The following CACNA2D3 variants were observed in gnomAD, a reference collection of about 807,000 sequenced individuals.
The protein encoded by CACNA2D3 is calcium voltage-gated channel auxiliary subunit alpha2delta 3.
A neutral mutation model predicts 160.6 loss-of-function variants in CACNA2D3; 60 were observed. The ratio of observed to expected loss-of-function variants is 0.37; its 90% CI spans 0.30 to 0.46. The LOEUF (loss-of-function observed/expected upper bound fraction) is 0.46. Among genes scored for constraint, CACNA2D3 ranks in the 20% least tolerant of loss-of-function variants. The pLI is 1.00. For synonymous variants in CACNA2D3, 558 were observed against 492.9 expected (o/e 1.13, Z -1.75); for missense variants, 1,205 against 1,365.0 (o/e 0.88, Z 1.85).
At chr3:54,481,145 C>G (rs1374003866) in intron 4 of CACNA2D3, among the ~76,000 whole-genome samples, 2 of 152,110 alleles carry the variant, frequency 1.3e-5, no homozygotes, top group African/African-American at 4.8e-5. Flanking sequence ...ATGTAGAGGT[C>G]AAACATGAAA....
chr3:54,430,207 C>T (rs754698675), intron 4 of CACNA2D3, among the ~76,000 whole-genome samples: 16 of 141,832 alleles, frequency 1.1e-4, no homozygotes, highest in Non-Finnish European at 2.3e-4. Flanking sequence ...CTTATATATG[C>T]GGATTTGTTA....
At chr3:54,972,893 C>A (rs1702306315) in intron 29 of CACNA2D3, among the ~76,000 whole-genome samples, 1 of 152,302 alleles carries the variant, frequency 6.6e-6, no homozygotes, top group African/African-American at 2.4e-5. Flanking sequence ...TTCAAGACAT[C>A]TTTACCGAGC....
chr3:54,998,197 C>G (rs909394503), intron 31 of CACNA2D3, among the ~76,000 whole-genome samples: 1 of 146,786 alleles, frequency 6.8e-6, no homozygotes, highest in Non-Finnish European at 1.5e-5. Context: ...TGCGGTGGCA[C>G]AAATCTCAGT....
intron 35 of CACNA2D3, among the ~76,000 whole-genome samples, chr3:55,039,755 A>G (rs1205286158): frequency 1.3e-5 from 2 of 152,226 alleles, no homozygotes; most frequent in African/African-American, 2.4e-5. Context: ...AGAGACCACA[A>G]TCTGGGCCTA....
At chr3:54,451,229 C>CTTTTTTTTTTTTTTTTTTTT (rs71074970) in intron 4 of CACNA2D3, among the ~76,000 whole-genome samples, 2 of 51,732 alleles carry the variant, frequency 3.9e-5, no homozygotes, top group East Asian at 7.1e-4. Context: ...ATATAATAAT[C>CTTTTTTTTTTTTTTTTTTTT]TTTTTTTTTT....
At chr3:54,669,243 G>A (rs1231101517) in intron 11 of CACNA2D3, among the ~76,000 whole-genome samples, 1 of 152,104 alleles carries the variant, frequency 6.6e-6, no homozygotes, top group Admixed American at 6.5e-5. Context: ...ATTTCATTTT[G>A]CAAACCACAT....
intron 9 of CACNA2D3, among the ~76,000 whole-genome samples, chr3:54,622,954 T>C (rs1158110816): frequency 1.3e-5 from 2 of 152,146 alleles, no homozygotes; most frequent in East Asian, 3.9e-4. Context: ...ATACGATGGC[T>C]GTGATTAAGA....
chr3:54,146,745 CG>C (rs1440516801), intron 2 of CACNA2D3, among the ~76,000 whole-genome samples: 7 of 152,192 alleles, frequency 4.6e-5, no homozygotes, highest in African/African-American at 1.7e-4. Flanking sequence ...AGGGAGTCTG[CG>C]GGGTGTCACC....
intron 4 of CACNA2D3, among the ~76,000 whole-genome samples, chr3:54,392,166 C>A (rs1575430043): frequency 6.6e-6 from 1 of 152,140 alleles, no homozygotes; most frequent in Non-Finnish European, 1.5e-5. Context: ...GGTGGAGAAG[C>A]AGGAGACCCT....
chr3:54,476,046 A>ATTTTTTTT (rs35383482), intron 4 of CACNA2D3, among the ~76,000 whole-genome samples: 1 of 135,258 alleles, frequency 7.4e-6, no homozygotes, highest in Non-Finnish European at 1.6e-5. Context: ...TGTAAGTTTG[A>ATTTTTTTT]TTTTTTTTTT....
intron 11 of CACNA2D3, among the ~76,000 whole-genome samples, chr3:54,700,896 C>T (rs1028241943): frequency 2.0e-5 from 3 of 152,160 alleles, no homozygotes; most frequent in Non-Finnish European, 4.4e-5. Flanking sequence ...GAAGACCTAA[C>T]ACCAATTCAT....
At chr3:54,554,940 T>C (rs2106692638) in intron 5 of CACNA2D3, among the ~76,000 whole-genome samples, 1 of 145,276 alleles carries the variant, frequency 6.9e-6, no homozygotes, top group East Asian at 2.1e-4. Flanking sequence ...AGTAGTGCAA[T>C]CTTGGCTCAT....
intron 16 of CACNA2D3, among the ~76,000 whole-genome samples, chr3:54,846,030 C>A (rs1159445448): frequency 6.6e-6 from 1 of 152,094 alleles, no homozygotes; most frequent in Non-Finnish European, 1.5e-5. Context: ...GAGAAGGCAC[C>A]TCCATTGATA....
chr3:54,562,210 A>C (rs769484711), intron 5 of CACNA2D3, among the ~76,000 whole-genome samples: 22 of 152,214 alleles, frequency 1.4e-4, no homozygotes, highest in Non-Finnish European at 1.5e-5. Context: ...TGTGCTGGTC[A>C]AAGGGTACAG....
At chr3:54,727,284 T>C (rs957497129) in intron 11 of CACNA2D3, among the ~76,000 whole-genome samples, 24 of 152,114 alleles carry the variant, frequency 1.6e-4, no homozygotes, top group Non-Finnish European at 2.8e-4. Flanking sequence ...TGTGGAGAAA[T>C]AGGAACGCTC....
chr3:54,422,823 TACAGAAACACTAACTAAC>T (rs772189348), intron 4 of CACNA2D3, among the ~76,000 whole-genome samples: 43 of 152,280 alleles, frequency 2.8e-4, no homozygotes, highest in Non-Finnish European at 5.6e-4. Context: ...GCAATCTGCC[TACAGAAACACTAACTAAC>T]ACATGTGCAC....
chr3:54,719,827 G>T (rs1007677496), intron 11 of CACNA2D3, among the ~76,000 whole-genome samples: 8 of 151,972 alleles, frequency 5.3e-5, no homozygotes, highest in Non-Finnish European at 8.8e-5. Flanking sequence ...TTAATAGATG[G>T]AAGACTATTC....
intron 32 of CACNA2D3, among the ~76,000 whole-genome samples, chr3:55,005,263 G>A (rs1051432359): frequency 1.2e-4 from 18 of 152,020 alleles, no homozygotes; most frequent in Middle Eastern, 3.4e-3. Flanking sequence ...GCAACAGAGC[G>A]AGCCTGCCTC....
intron 5 of CACNA2D3, among the ~76,000 whole-genome samples, chr3:54,516,374 G>T (rs77754384): frequency 6.6e-6 from 1 of 152,172 alleles, no homozygotes; most frequent in African/African-American, 2.4e-5. Context: ...AGTGACAGAG[G>T]TATTTCTGTA....
Sources: gnomAD v4.1 joint callset for allele counts (sites outside exome capture counted in the v4.1 genomes callset) on GRCh38, gnomAD v4.1.1 for gene constraint, MANE v1.5 for transcripts, NCBI Gene and HGNC (gene_info 2026-07-23, HGNC 2026-07-21) for gene names.